NELL1: variants seen among roughly 807,000 people sequenced by gnomAD.
NELL1 encodes neural EGFL like 1.
In NELL1, 76 loss-of-function variants were observed where a neutral mutation model predicts 107.4. That is an observed-to-expected ratio of 0.71 (90% CI 0.59 to 0.86). The LOEUF (loss-of-function observed/expected upper bound fraction) is 0.86. NELL1 is among the 40% of genes least tolerant of loss of function. The pLI is 0.00. For missense variants in NELL1, 1,024 were observed against 1,005.5 expected, an observed-to-expected ratio of 1.02 and a Z score of -0.25; for synonymous variants, 353 against 341.2, an observed-to-expected ratio of 1.03 and a Z score of -0.38.
intron 14 of NELL1, among the ~76,000 whole-genome samples, chr11:21,316,618 G>T (rs1849886187): frequency 6.6e-6 from 1 of 152,148 alleles, no homozygotes; most frequent in Non-Finnish European, 1.5e-5. Flanking sequence ...GGTGTCCAGA[G>T]TGCCCCCTCT....
intron 2 of NELL1, among the ~76,000 whole-genome samples, chr11:20,685,113 G>A (rs977471379): frequency 6.6e-5 from 10 of 151,824 alleles, no homozygotes; most frequent in Non-Finnish European, 1.3e-4. Context: ...CCAGACTTCA[G>A]CTTTCTCTCC....
intron 13 of NELL1, among the ~76,000 whole-genome samples, chr11:21,199,670 C>A (rs1268424091): frequency 6.6e-6 from 1 of 151,960 alleles, no homozygotes; most frequent in African/African-American, 2.4e-5. Context: ...AATTATACTT[C>A]AAGTGTTGGG....
intron 15 of NELL1, among the ~76,000 whole-genome samples, chr11:21,388,762 T>A (rs1851801405): frequency 6.6e-6 from 1 of 151,800 alleles, no homozygotes; most frequent in South Asian, 2.1e-4. Flanking sequence ...AATCCCCACA[T>A]GTTAAGGTAT....
intron 13 of NELL1, among the ~76,000 whole-genome samples, chr11:21,208,952 CA>C (rs751421288): frequency 2.0e-5 from 3 of 152,144 alleles, no homozygotes; most frequent in Non-Finnish European, 4.4e-5. Context: ...AGCAGAGAAT[CA>C]GCAGGGCTTT....
chr11:20,711,237 C>A (rs1284898011), intron 2 of NELL1, among the ~76,000 whole-genome samples: 1 of 151,974 alleles, frequency 6.6e-6, no homozygotes, highest in African/African-American at 2.4e-5. Flanking sequence ...CTATTATGAG[C>A]TTTTTCCACC....
intron 14 of NELL1, among the ~76,000 whole-genome samples, chr11:21,258,121 G>T (rs774998851): frequency 6.6e-6 from 1 of 152,016 alleles, no homozygotes; most frequent in Non-Finnish European, 1.5e-5. Flanking sequence ...CTTATCTGGG[G>T]CTGGACATTT....
chr11:20,943,976 T>C (rs955360191), intron 10 of NELL1, among the ~76,000 whole-genome samples: 1 of 152,180 alleles, frequency 6.6e-6, no homozygotes, highest in Non-Finnish European at 1.5e-5. Flanking sequence ...TTAATGGATA[T>C]TGTCAGCAGA....
intron 12 of NELL1, among the ~76,000 whole-genome samples, chr11:21,025,253 A>G (rs543669979): frequency 6.6e-6 from 1 of 152,198 alleles, no homozygotes; most frequent in East Asian, 1.9e-4. Flanking sequence ...AGCTTTTGGT[A>G]TACCAAGCCT....
chr11:21,480,437 C>A (rs1240157989), intron 15 of NELL1, among the ~76,000 whole-genome samples: 1 of 152,126 alleles, frequency 6.6e-6, no homozygotes, highest in Non-Finnish European at 1.5e-5. Flanking sequence ...CTGAAAAGAA[C>A]CTGACTGTCT....
chr11:21,364,494 G>A (rs1429707749), intron 14 of NELL1, among the ~76,000 whole-genome samples: 2 of 150,932 alleles, frequency 1.3e-5, no homozygotes, highest in Non-Finnish European at 3.0e-5. Flanking sequence ...TAAACAAGTG[G>A]TTTTTAAACT....
chr11:20,886,173 T>G (rs767215269), intron 5 of NELL1, among the ~76,000 whole-genome samples: 3 of 152,112 alleles, frequency 2.0e-5, no homozygotes, highest in Non-Finnish European at 4.4e-5. Flanking sequence ...CCTGAGTGAC[T>G]GGACCATCCA....
intron 13 of NELL1, among the ~76,000 whole-genome samples, chr11:21,131,288 A>G (rs948682676): frequency 3.9e-5 from 6 of 152,360 alleles, no homozygotes; most frequent in Middle Eastern, 3.4e-3. Context: ...ATTTATGTTT[A>G]GAAGCAATGT....
chr11:21,321,026 A>T (rs952292663), intron 14 of NELL1, among the ~76,000 whole-genome samples: 1 of 152,180 alleles, frequency 6.6e-6, no homozygotes, highest in African/African-American at 2.4e-5. Flanking sequence ...AATTTAGTAG[A>T]TTTGCACATG....
chr11:21,511,126 A>G (rs1246639966), intron 15 of NELL1, among the ~76,000 whole-genome samples: 3 of 152,094 alleles, frequency 2.0e-5, no homozygotes, highest in Non-Finnish European at 4.4e-5. Context: ...AGTGCTTGGC[A>G]GAGTGTGTGC....
intron 15 of NELL1, among the ~76,000 whole-genome samples, chr11:21,378,738 G>A (rs1225414122): frequency 7.5e-6 from 1 of 134,030 alleles, no homozygotes; most frequent in Non-Finnish European, 1.6e-5. Context: ...TTTTTTTTGA[G>A]ACAGAGTCTC....
intron 15 of NELL1, among the ~76,000 whole-genome samples, chr11:21,453,528 G>A (rs773393694): frequency 6.6e-6 from 1 of 151,534 alleles, no homozygotes; most frequent in African/African-American, 2.4e-5. Flanking sequence ...GTATTTACAT[G>A]GCTTACTTAA....
intron 15 of NELL1, among the ~76,000 whole-genome samples, chr11:21,427,625 C>T (rs548402472): frequency 2.0e-5 from 3 of 152,214 alleles, no homozygotes; most frequent in African/African-American, 7.2e-5. Flanking sequence ...TCCTCCAACA[C>T]TTAGGGAGGG....
chr11:20,878,859 T>C (rs1849356056), intron 4 of NELL1, among the ~76,000 whole-genome samples: 2 of 152,214 alleles, frequency 1.3e-5, no homozygotes, highest in South Asian at 4.1e-4. Flanking sequence ...CTCTTCCAGA[T>C]AGTAGAAATG....
chr11:21,554,099 A>G (rs1856652922), intron 16 of NELL1, among the ~76,000 whole-genome samples: 1 of 151,830 alleles, frequency 6.6e-6, no homozygotes, highest in African/African-American at 2.4e-5. Flanking sequence ...TTCAGTATTT[A>G]TGGATTTTTT....
Sources: gnomAD v4.1 joint callset for allele counts (sites outside exome capture counted in the v4.1 genomes callset) on GRCh38, gnomAD v4.1.1 for gene constraint, MANE v1.5 for transcripts, NCBI Gene and HGNC (gene_info 2026-07-23, HGNC 2026-07-21) for gene names.